FAM76A: variants seen among roughly 807,000 people sequenced by gnomAD.
FAM76A encodes family with sequence similarity 76 member A.
In FAM76A, 32 loss-of-function variants were observed where a neutral mutation model predicts 46.2. The ratio of observed to expected loss-of-function variants is 0.69; its 90% CI spans 0.52 to 0.93. The LOEUF (loss-of-function observed/expected upper bound fraction) is 0.93, where lower values mean the gene tolerates loss of function less well. FAM76A is among the 40% of genes least tolerant of loss of function. The pLI is 0.00. For missense variants in FAM76A, 274 were observed against 361.5 expected, an observed-to-expected ratio of 0.76 and a Z score of 1.96; for synonymous variants, 137 against 127.0, an observed-to-expected ratio of 1.08 and a Z score of -0.53.
intron 4 of FAM76A, 60 bp from the exon 5 acceptor site, chr1:27,744,594 C>A: frequency 6.3e-7 from 1 of 1,576,660 alleles, no homozygotes; most frequent in Non-Finnish European, 8.7e-7. Context: ...CTCCCAATAC[C>A]ACGTTTGCAG....
rs2087849792 is a variant in FAM76A at position 27,725,984 on chromosome 1, A to AGCCAGCAGCCTGCAGCCGCC, written c.-93_-74dup. On this transcript the variant is annotated 5_prime_UTR_variant, in exon 1 of 9. Coordinates refer to ENST00000373954, the MANE Select transcript of FAM76A (RefSeq NM_152660.3). ...CCGCCTGCGCCCGCCCGCCTGCCGC[A>AGCCAGCAGCCTGCAGCCGCC]GCCAGCAGCCTGCAGCCGCCGCCGG... 5 of 995,660 alleles carry AGCCAGCAGCCTGCAGCCGCC rather than the reference A, an allele frequency of 5.0e-6. No homozygotes were observed. The South Asian group carries it at 2.0e-4, about 40-fold the overall frequency. 61.7% of individuals were successfully genotyped at this position (995,660 alleles called of 1,614,324 possible). A position where few individuals can be genotyped will look rare whatever the true frequency, so the allele number is the denominator to read the frequency against.
Position 27,734,156 on chromosome 1 carries a change from A to C in FAM76A, c.327A>C (p.Ala109=). The change falls in exon 4 of 9, where the codon GCA becomes GCC. Residue 109 remains alanine, a synonymous_variant. Transcript: ENST00000373954. ...YSCEQCKQQC[A]FDRKDDRKKV... ...GTGAACAGTGCAAGCAGCAGTGTGC[A>C]TTTGACAGGAAAGATGATAGAAAGA... The C allele has an allele frequency of 1.3e-6, 2 of 1,582,972 alleles. No individual in the cohort carries two copies. Among genetic ancestry groups the C allele is most frequent in the Non-Finnish European group, 1.7e-6 (2 of 1,169,728 alleles).
At chr1:27,757,794 G>A (rs1202649309) in intron 7 of FAM76A, among the ~76,000 whole-genome samples, 1 of 152,128 alleles carries the variant, frequency 6.6e-6, no homozygotes, top group African/African-American at 2.4e-5. Context: ...GGCTAACACG[G>A]TGAAACCCTG....
chr1:27,751,902 C>CA (rs2088338977), intron 6 of FAM76A, among the ~76,000 whole-genome samples: 1 of 152,038 alleles, frequency 6.6e-6, no homozygotes, highest in Non-Finnish European at 1.5e-5. Context: ...CTCCTGGACT[C>CA]AAACGATCCT....
intron 6 of FAM76A, among the ~76,000 whole-genome samples, chr1:27,752,988 C>T (rs139289311): frequency 5.1e-4 from 77 of 151,956 alleles, no homozygotes; most frequent in African/African-American, 1.8e-3. Flanking sequence ...GGAGAAACCC[C>T]GTCTCTACTA....
In FAM76A at chr1:27,746,403, A is replaced by C. The variant is rs572918086; in HGVS notation, c.512+1592A>C. ...GAGCTTAGCCTAGAACTTAGAAGAG[A>C]GGTTTGGACATGGGCCATAGGTAGC... On this transcript the variant is annotated intron_variant, in intron 5 of 8. Transcript: ENST00000373954. 3.3e-5 allele frequency among the ~76,000 whole-genome samples: 5 copies of C among 152,158 alleles called. No homozygotes were observed. The South Asian group carries it at 8.3e-4, about 25-fold the overall frequency.
intron 3 of FAM76A, among the ~76,000 whole-genome samples, chr1:27,733,310 T>TTAGTGTTACAGTTCAGGATGTTA (rs1553177924): frequency 6.6e-6 from 1 of 152,186 alleles, no homozygotes; most frequent in Non-Finnish European, 1.5e-5. Context: ...TCTTTTTCTC[T>TTAGTGTTACAGTTCAGGATGTTA]TAGTGTTACA....
At chr1:27,729,496 G>A (rs1414228207) in intron 2 of FAM76A, among the ~76,000 whole-genome samples, 3 of 150,234 alleles carry the variant, frequency 2.0e-5, no homozygotes, top group Non-Finnish European at 3.0e-5. Flanking sequence ...AGGCGTGACC[G>A]ACCACACCCA....
chr1:27,748,563 G>A (rs1396463926), intron 5 of FAM76A, among the ~76,000 whole-genome samples: 1 of 942 alleles, frequency 1.1e-3, no homozygotes, highest in Non-Finnish European at 2.4e-3. Flanking sequence ...CTCACTGCAG[G>A]CTCCGCCCCC....
intron 4 of FAM76A, among the ~76,000 whole-genome samples, chr1:27,742,312 A>G (rs1392986752): frequency 1.3e-5 from 2 of 152,202 alleles, no homozygotes; most frequent in South Asian, 4.1e-4. Context: ...GTGGTTTTTC[A>G]GTCTGAATGC....
Position 27,762,637 on chromosome 1 carries a change from A to C in FAM76A, c.*2056A>C, listed in dbSNP as rs1301438366. 1 of 152,192 alleles carries C rather than the reference A, an allele frequency of 6.6e-6. No individual in the cohort carries two copies. The highest frequency in any genetic ancestry group is 1.5e-5 in the Non-Finnish European group (1 of 68,032). 9.4% of individuals were successfully genotyped at this position (152,192 alleles called of 1,614,324 possible). ...TTCCCTTCTAAGCAAGGGAAATGGC[A>C]GTGCTAAATAGTTTTGTAAAGTTTT... On this transcript the variant is annotated 3_prime_UTR_variant, in exon 9 of 9. Coordinates refer to ENST00000373954, the MANE Select transcript of FAM76A (RefSeq NM_152660.3).
At chr1:27,753,202 GAGTT>G (rs1310585487) in intron 6 of FAM76A, among the ~76,000 whole-genome samples, 6 of 152,278 alleles carry the variant, frequency 3.9e-5, no homozygotes, top group African/African-American at 1.4e-4. Flanking sequence ...AGAAAAGAGA[GAGTT>G]AGTGAGGTCA....
At chr1:27,737,820 C>G (rs2088075549) in intron 4 of FAM76A, among the ~76,000 whole-genome samples, 1 of 143,742 alleles carries the variant, frequency 7.0e-6, no homozygotes, top group Non-Finnish European at 1.5e-5. Context: ...CCTCTGCACT[C>G]CAGGCTGGGT....
chr1:27,753,388 G>A (rs960047372), intron 6 of FAM76A, among the ~76,000 whole-genome samples: 7 of 152,194 alleles, frequency 4.6e-5, no homozygotes, highest in Non-Finnish European at 7.3e-5. Context: ...CTATTCAGTT[G>A]AAGAAAGACA....
At chr1:27,744,197 C>T (rs995057621) in intron 4 of FAM76A, among the ~76,000 whole-genome samples, 5 of 152,160 alleles carry the variant, frequency 3.3e-5, no homozygotes, top group African/African-American at 9.7e-5. Flanking sequence ...GGCGCGATCT[C>T]GGCTCACCAC....
rs932083838 is a variant in FAM76A at position 27,761,431 on chromosome 1, A to C, written c.*850A>C. 3 of 152,604 alleles carry C rather than the reference A, an allele frequency of 2.0e-5. No individual in the cohort carries two copies. The highest frequency in any genetic ancestry group is 7.2e-5 in the African/African-American group (3 of 41,434). 9.5% of individuals were successfully genotyped at this position (152,604 alleles called of 1,614,324 possible). ...TGGAAGAGCATTTATGGAGATACTT[A>C]AGGGAGGTAGCAAAGATTTGAACCG... On this transcript the variant is annotated 3_prime_UTR_variant, in exon 9 of 9. Transcript: ENST00000373954.
At chr1:27,727,772 T>A (rs970173184) in intron 2 of FAM76A, among the ~76,000 whole-genome samples, 1 of 151,938 alleles carries the variant, frequency 6.6e-6, no homozygotes, top group Non-Finnish European at 1.5e-5. Flanking sequence ...ATGTATTGTT[T>A]CCTAGTTATT....
intron 4 of FAM76A, among the ~76,000 whole-genome samples, chr1:27,737,868 C>CAAAA (rs71571865): frequency 3.0e-3 from 188 of 62,218 alleles, no homozygotes; most frequent in Non-Finnish European, 4.4e-3. Flanking sequence ...ACAACAACAA[C>CAAAA]AAAAAAAAAA....
chr1:27,744,571 C>T, intron 4 of FAM76A, 83 bp from the exon 5 acceptor site: 1 of 1,474,008 alleles, frequency 6.8e-7, no homozygotes, highest in Admixed American at 1.8e-5. Flanking sequence ...GGGACTGAAC[C>T]CAAAGATTCT....
Sources: allele counts gnomAD v4.1 joint callset (sites outside exome capture counted in the v4.1 genomes callset), GRCh38; gene constraint gnomAD v4.1.1; transcripts MANE v1.5; gene names NCBI Gene and HGNC (gene_info 2026-07-23, HGNC 2026-07-21).